The following RBM19 variants were observed in gnomAD, a reference collection of about 807,000 sequenced individuals.
The protein encoded by RBM19 is RNA binding motif protein 19, also known as probable RNA-binding protein 19.
RBM19 carries 94 observed loss-of-function variants against 116.8 expected under a neutral mutation model. That is an observed-to-expected ratio of 0.80 (90% CI 0.68 to 0.95). RBM19 has a LOEUF of 0.95. RBM19 is among the 40% of genes least tolerant of loss of function. RBM19 has a pLI of 0.00. For synonymous variants in RBM19, 475 were observed against 494.1 expected (o/e 0.96, Z 0.51); for missense variants, 1,161 against 1,220.7 (o/e 0.95, Z 0.73).
chr12:113,863,457 GAC>G (rs1310717207), intron 21 of RBM19, among the ~76,000 whole-genome samples: 2 of 152,194 alleles, frequency 1.3e-5, no homozygotes, highest in East Asian at 3.9e-4. Flanking sequence ...TGCGGAGCTG[GAC>G]AGTTTTGCAG....
chr12:113,890,743 T>C (rs1005444), intron 21 of RBM19, among the ~76,000 whole-genome samples: 94,669 of 152,144 alleles, frequency 0.62, 30,505 homozygotes, highest in African/African-American at 0.79. Flanking sequence ...GAGATCCTTC[T>C]CCCAAGGGAT....
chr12:113,878,904 G>A (rs1234079197), intron 21 of RBM19, among the ~76,000 whole-genome samples: 1 of 151,862 alleles, frequency 6.6e-6, no homozygotes, highest in African/African-American at 2.4e-5. Context: ...CTATGTATGT[G>A]TATCTGTTGT....
At chr12:113,959,132 C>T (rs1469427140) in intron 5 of RBM19, 80 bp downstream of exon 5, 3 of 1,514,788 alleles carry the variant, frequency 2.0e-6, no homozygotes, top group East Asian at 2.3e-5. Context: ...AGAGTCTGCA[C>T]AGAGGGGCCC....
chr12:113,940,937 G>A (rs1286750239), intron 14 of RBM19, among the ~76,000 whole-genome samples: 1 of 152,170 alleles, frequency 6.6e-6, no homozygotes, highest in African/African-American at 2.4e-5. Flanking sequence ...TTCATTAAAT[G>A]GGTTAGTAAA....
intron 21 of RBM19, among the ~76,000 whole-genome samples, chr12:113,866,513 G>C (rs913723018): frequency 2.0e-5 from 3 of 152,238 alleles, no homozygotes; most frequent in African/African-American, 7.2e-5. Flanking sequence ...GGATGGGGCG[G>C]ATTTGGCATG....
chr12:113,861,513 T>TGTGTGTGA (rs1320114571), intron 21 of RBM19, among the ~76,000 whole-genome samples: 3 of 143,880 alleles, frequency 2.1e-5, no homozygotes, highest in East Asian at 4.1e-4. Flanking sequence ...TGTGTGTGTG[T>TGTGTGTGA]GAAGGAGAGA....
At chr12:113,829,384 C>A (rs1300115741) in intron 23 of RBM19, among the ~76,000 whole-genome samples, 4 of 152,196 alleles carry the variant, frequency 2.6e-5, no homozygotes, top group Non-Finnish European at 5.9e-5. Flanking sequence ...CGCAGACTGG[C>A]CTCTGCCACT....
chr12:113,950,363 C>T (rs767618154), intron 8 of RBM19, among the ~76,000 whole-genome samples: 12 of 152,266 alleles, frequency 7.9e-5, no homozygotes, highest in Non-Finnish European at 1.3e-4. Flanking sequence ...GACCCCAGCC[C>T]GGTGTCATGG....
At chr12:113,938,646 G>C (rs1268957977) in intron 15 of RBM19, among the ~76,000 whole-genome samples, 1 of 152,226 alleles carries the variant, frequency 6.6e-6, no homozygotes, top group Non-Finnish European at 1.5e-5. Context: ...ATTTCATTAA[G>C]TGAAAGATTT....
intron 6 of RBM19, among the ~76,000 whole-genome samples, chr12:113,956,747 G>A (rs148815859): frequency 2.0e-4 from 30 of 152,168 alleles, no homozygotes; most frequent in African/African-American, 6.5e-4. Flanking sequence ...AAGCGCCCAC[G>A]TTTATGATCT....
intron 16 of RBM19, among the ~76,000 whole-genome samples, chr12:113,928,247 G>T (rs1869286143): frequency 1.3e-5 from 2 of 152,104 alleles, no homozygotes; most frequent in South Asian, 4.1e-4. Flanking sequence ...TGAGGCACAA[G>T]AATTGCTCGA....
At position 113,960,182 on chromosome 12, in the gene RBM19, T is replaced by C. The variant is rs1872370320; in HGVS notation, c.220-4A>G. The C allele has an allele frequency of 6.2e-6, 10 of 1,613,156 alleles. No individual in the cohort carries two copies. The highest frequency in any genetic ancestry group is 8.5e-6 in the Non-Finnish European group (10 of 1,179,916). On this transcript the variant is annotated splice_polypyrimidine_tract_variant and splice_region_variant and intron_variant, in intron 2 of 23. Coordinates refer to ENST00000261741, the MANE Select transcript of RBM19 (RefSeq NM_016196.4). Reference sequence around the variant, plus strand: ...CGAATGACTTGCAGAACTCCACCTGTGTGGGAAAGAGAGTGATTTTCACAC... The same window carrying C: ...CGAATGACTTGCAGAACTCCACCTGCGTGGGAAAGAGAGTGATTTTCACAC...
chr12:113,831,861 G>A (rs1240369614), intron 23 of RBM19, among the ~76,000 whole-genome samples: 1 of 152,186 alleles, frequency 6.6e-6, no homozygotes, highest in Non-Finnish European at 1.5e-5. Context: ...GGGTGACTGG[G>A]CGATACCTGC....
intron 16 of RBM19, 31 bp downstream of exon 16, chr12:113,936,976 A>G (rs978385938): frequency 3.1e-6 from 5 of 1,607,628 alleles, no homozygotes; most frequent in Non-Finnish European, 4.2e-6. Flanking sequence ...CCAGGATCCC[A>G]AGCCATCCTG....
intron 21 of RBM19, among the ~76,000 whole-genome samples, chr12:113,888,703 C>G (rs1880726380): frequency 6.6e-6 from 1 of 152,160 alleles, no homozygotes; most frequent in Admixed American, 6.5e-5. Flanking sequence ...GCTGGACTTT[C>G]AACCTGTCTT....
intron 21 of RBM19, among the ~76,000 whole-genome samples, chr12:113,886,719 T>C (rs1880550046): frequency 6.6e-6 from 1 of 152,034 alleles, no homozygotes; most frequent in Admixed American, 6.6e-5. Context: ...CCCAAAGATT[T>C]GCTCTTGTCT....
At chr12:113,896,034 G>A (rs1593547519) in intron 21 of RBM19, among the ~76,000 whole-genome samples, 2 of 151,964 alleles carry the variant, frequency 1.3e-5, no homozygotes, top group East Asian at 3.8e-4. Flanking sequence ...ATGTGTGCTG[G>A]GTGCATGGTA....
At chr12:113,862,889 A>G (rs1286196591) in intron 21 of RBM19, among the ~76,000 whole-genome samples, 2 of 151,924 alleles carry the variant, frequency 1.3e-5, no homozygotes, top group African/African-American at 4.8e-5. Flanking sequence ...TCGGTAACAA[A>G]CTCACACCTC....
rs183897607 is a variant in RBM19 at position 113,893,424 on chromosome 12, G to A, written c.2558+21545C>T. 1.6e-3 allele frequency among the ~76,000 whole-genome samples: 251 copies of A among 152,266 alleles called. 6 individuals are homozygous for A. In the East Asian group the frequency reaches 0.035, roughly 21 times the overall value. ...GGGATTACAGGTGTGAGCCACCGCG[G>A]CTGGCCTACTGTTTTGATTCTTGCT... On this transcript the variant is annotated intron_variant, in intron 21 of 23. Coordinates refer to ENST00000261741, the MANE Select transcript of RBM19 (RefSeq NM_016196.4).
Sources: gnomAD v4.1 joint callset for allele counts (sites outside exome capture counted in the v4.1 genomes callset) on GRCh38, gnomAD v4.1.1 for gene constraint, MANE v1.5 for transcripts, NCBI Gene and HGNC (gene_info 2026-07-23, HGNC 2026-07-21) for gene names.